Variants in SESTD1 observed in about 807,000 individuals in gnomAD.
SESTD1 encodes SEC14 domain and spectrin repeat-containing protein 1.
A neutral mutation model predicts 101.7 loss-of-function variants in SESTD1; 43 were observed. The observed-to-expected ratio is 0.42, with a 90% CI of 0.33 to 0.55. The LOEUF is 0.55. Ranked by LOEUF, SESTD1 falls within the 20% of genes least tolerant of loss-of-function variation. The pLI is 0.07. For synonymous variants in SESTD1, 283 were observed against 286.8 expected, an observed-to-expected ratio of 0.99 and a Z score of 0.13; for missense variants, 647 against 815.1, an observed-to-expected ratio of 0.79 and a Z score of 2.51.
intron 1 of SESTD1, among the ~76,000 whole-genome samples, chr2:179,254,481 A>G (rs1379738513): frequency 6.6e-6 from 1 of 152,216 alleles, no homozygotes; most frequent in East Asian, 1.9e-4. Context: ...CCACCCACCT[A>G]TGTGCTATTT....
chr2:179,175,901 T>C (rs1187933239), intron 4 of SESTD1, among the ~76,000 whole-genome samples: 8 of 152,212 alleles, frequency 5.3e-5, no homozygotes, highest in African/African-American at 1.7e-4. Flanking sequence ...TGTTAATTTG[T>C]GAGGGGCTGA....
chr2:179,148,917 G>A lies in SESTD1; in HGVS notation c.581+380C>T, dbSNP rs535305303. On this transcript the variant is annotated intron_variant, in intron 7 of 17. Transcript: ENST00000428443. ...TTATTAAAAATACAAAAAATTAGCCGGGCGAGGTGGCGGGCGCCTGTAGTC... is the reference window on the plus strand; with the variant it reads ...TTATTAAAAATACAAAAAATTAGCCAGGCGAGGTGGCGGGCGCCTGTAGTC... 1.1e-4 allele frequency among the ~76,000 whole-genome samples: 16 copies of A among 151,836 alleles called. No homozygotes were observed. In the South Asian group the frequency reaches 1.5e-3, roughly 14 times the overall value.
rs141203169 is a variant in SESTD1 at position 179,229,782 on chromosome 2, TACACACAC to T, written c.-26+34709_-26+34716del. 6.4e-4 allele frequency among the ~76,000 whole-genome samples: 74 copies of T among 115,450 alleles called. 1 individual carries two copies. Among genetic ancestry groups the T allele is most frequent in the Middle Eastern group, 8.8e-3 (2 of 226 alleles). 75.7% of individuals were successfully genotyped at this position (115,450 alleles called of 152,430 possible). ...ATATATATATATATATATACTCAAATACACACACACACACACACACACACACACACACA... is the reference window on the plus strand; with the variant it reads ...ATATATATATATATATATACTCAAATACACACACACACACACACACACACA... On this transcript the variant is annotated intron_variant, in intron 1 of 17. Transcript: ENST00000428443.
At chr2:179,229,958 T>C (rs1267110667) in intron 1 of SESTD1, among the ~76,000 whole-genome samples, 2 of 150,354 alleles carry the variant, frequency 1.3e-5, no homozygotes, top group Non-Finnish European at 3.0e-5. Flanking sequence ...ACAACAGCCC[T>C]GCTCATAGTC....
chr2:179,181,261 A>C (rs1196985402), intron 3 of SESTD1, among the ~76,000 whole-genome samples: 1 of 152,178 alleles, frequency 6.6e-6, no homozygotes, highest in African/African-American at 2.4e-5. Flanking sequence ...AGCCTCCCTC[A>C]GTTACCCAGT....
At chr2:179,179,593 C>A (rs1449499654) in intron 3 of SESTD1, among the ~76,000 whole-genome samples, 1 of 152,190 alleles carries the variant, frequency 6.6e-6, no homozygotes, top group Non-Finnish European at 1.5e-5. Context: ...TACTTGTTTA[C>A]AATTCATCTT....
chr2:179,261,451 T>C (rs752669101), intron 1 of SESTD1, among the ~76,000 whole-genome samples: 10 of 152,190 alleles, frequency 6.6e-5, no homozygotes, highest in Non-Finnish European at 1.0e-4. Context: ...TAAACAACTT[T>C]GCACTTTAGT....
At chr2:179,237,094 C>T (rs932194106) in intron 1 of SESTD1, among the ~76,000 whole-genome samples, 8 of 144,548 alleles carry the variant, frequency 5.5e-5, no homozygotes, top group Non-Finnish European at 1.3e-4. Flanking sequence ...TGCACTTGCC[C>T]TCCTTTCTAA....
At chr2:179,189,646 C>T (rs2046290665) in intron 2 of SESTD1, among the ~76,000 whole-genome samples, 2 of 152,026 alleles carry the variant, frequency 1.3e-5, no homozygotes, top group South Asian at 2.1e-4. Context: ...TCTTCGTTGA[C>T]TTTATGTTTC....
chr2:179,106,507 G>A lies in SESTD1; in HGVS notation c.*3392C>T, dbSNP rs2044385521. 1 of 152,104 alleles carries A rather than the reference G, an allele frequency of 6.6e-6. No individual in the cohort carries two copies. The highest frequency in any genetic ancestry group is 1.5e-5 in the Non-Finnish European group (1 of 68,026). The allele number at this position is 152,104 out of a possible 1,614,324, so 9.4% of individuals were successfully genotyped here. On this transcript the variant is annotated 3_prime_UTR_variant, in exon 18 of 18. Transcript: ENST00000428443. ...AACAATGGGTTTAGATCAGAGTATG[G>A]TTTACTCATCACTGTTAGTAAGGTA...
chr2:179,189,548 A>G (rs1169248222), intron 2 of SESTD1, among the ~76,000 whole-genome samples: 1 of 152,206 alleles, frequency 6.6e-6, no homozygotes, highest in East Asian at 1.9e-4. Flanking sequence ...TGTATTCAAC[A>G]TAGTACTAAA....
At chr2:179,172,029 T>G in intron 5 of SESTD1, 91 bp downstream of exon 5, 1 of 771,050 alleles carries the variant, frequency 1.3e-6, no homozygotes, top group Admixed American at 2.3e-5. Context: ...TAAGCACTGC[T>G]TAGTAACCAA....
At position 179,204,881 on chromosome 2, in the gene SESTD1, GA is replaced by G. The variant is rs1161568075; in HGVS notation, c.-25-13016del. On this transcript the variant is annotated intron_variant, in intron 1 of 17. Transcript: ENST00000428443. ...CAGTTGTCTATGGGATGTTCCCCCAGAAAAAAAAAAAATTCAACCTTGAGGA... is the reference window on the plus strand; with the variant it reads ...CAGTTGTCTATGGGATGTTCCCCCAGAAAAAAAAAAATTCAACCTTGAGGA... 1.2e-3 allele frequency among the ~76,000 whole-genome samples: 146 copies of G among 121,866 alleles called. 27 individuals are homozygous for G. Among genetic ancestry groups the G allele is most frequent in the Non-Finnish European group, 1.9e-3 (109 of 57,786 alleles). The allele number at this position is 121,866 out of a possible 152,430, so 79.9% of individuals were successfully genotyped here. A position where few individuals can be genotyped will look rare whatever the true frequency, so the allele number is the denominator to read the frequency against.
chr2:179,117,206 A>G (rs1175246026), intron 14 of SESTD1, among the ~76,000 whole-genome samples: 3 of 152,154 alleles, frequency 2.0e-5, no homozygotes, highest in Non-Finnish European at 4.4e-5. Flanking sequence ...TCTCTTGCAG[A>G]TGCAAGAGAG....
At chr2:179,256,689 G>A in intron 1 of SESTD1, among the ~76,000 whole-genome samples, 1 of 151,824 alleles carries the variant, frequency 6.6e-6, no homozygotes. Context: ...GCAGGAGCCT[G>A]TAGTCCCAGC....
chr2:179,218,535 T>C (rs558968467), intron 1 of SESTD1, among the ~76,000 whole-genome samples: 1 of 151,626 alleles, frequency 6.6e-6, no homozygotes. Context: ...CATGATTTTG[T>C]GTTACCTTCA....
intron 1 of SESTD1, among the ~76,000 whole-genome samples, chr2:179,253,742 G>A (rs955181547): frequency 6.6e-6 from 1 of 152,168 alleles, no homozygotes; most frequent in Non-Finnish European, 1.5e-5. Context: ...CTTTGTGGAG[G>A]AGAGAACTCA....
chr2:179,105,374 C>T lies in SESTD1; in HGVS notation c.*4525G>A, dbSNP rs555629164. 3 of 152,190 alleles carry T rather than the reference C, an allele frequency of 2.0e-5. No individual in the cohort carries two copies. Among genetic ancestry groups the T allele is most frequent in the Admixed American group, 6.5e-5 (1 of 15,282 alleles). The allele number at this position is 152,190 out of a possible 1,614,324, so 9.4% of individuals were successfully genotyped here. A position where few individuals can be genotyped will look rare whatever the true frequency, so the allele number is the denominator to read the frequency against. ...TACTCATCACTTGTCTTCCATCTTG[C>T]TGTTCTATTATCTTCCTACAAAAAT... On this transcript the variant is annotated 3_prime_UTR_variant, in exon 18 of 18. Coordinates refer to ENST00000428443, the MANE Select transcript of SESTD1 (RefSeq NM_178123.5).
rs140062206 is a variant in SESTD1, at chr2:179,261,149, T to C, written c.-26+3350A>G. On this transcript the variant is annotated intron_variant, in intron 1 of 17. Transcript: ENST00000428443. ...TCTGACTCTGTTTCCCCATTGGAAA[T>C]GTGGAAAGCAGACCTACCTTATTAT... Among the ~76,000 whole-genome samples the C allele has an allele frequency of 5.7e-3, 861 of 152,364 alleles. 9 individuals are homozygous for C. Among genetic ancestry groups the C allele is most frequent in the African/African-American group, 0.02 (815 of 41,584 alleles).
Sources: gnomAD v4.1 joint callset for allele counts (sites outside exome capture counted in the v4.1 genomes callset) on GRCh38, gnomAD v4.1.1 for gene constraint, MANE v1.5 for transcripts, NCBI Gene and HGNC (gene_info 2026-07-23, HGNC 2026-07-21) for gene names.